The following PPME1 variants were observed in gnomAD, a reference collection of about 807,000 sequenced individuals.
PPME1 encodes testicular secretory protein Li 39.
PPME1 carries 17 observed loss-of-function variants against 56.9 expected under a neutral mutation model. The ratio of observed to expected loss-of-function variants is 0.30; its 90% confidence interval spans 0.20 to 0.45. The LOEUF (loss-of-function observed/expected upper bound fraction) is 0.45. Ranked by LOEUF, PPME1 falls within the 20% of genes least tolerant of loss-of-function variation. PPME1 has a pLI of 1.00. For synonymous variants in PPME1, 122 were observed against 156.2 expected (o/e 0.78, Z 1.63); for missense variants, 357 against 483.2 (o/e 0.74, Z 2.45).
chr11:74,205,989 T>C (rs1158248959), intron 3 of PPME1: 1 of 152,230 alleles, frequency 6.6e-6, no homozygotes, highest in African/African-American at 2.4e-5. Flanking sequence ...AGTAATTATA[T>C]TGATTACCTA....
At position 74,203,778 on chromosome 11, in the gene PPME1, A is replaced by G. The variant is rs1160767433; in HGVS notation, c.152A>G (p.Glu51Gly). The G allele has an allele frequency of 1.9e-6, 3 of 1,612,372 alleles. No individual in the cohort carries two copies. The highest frequency in any genetic ancestry group is 2.5e-6 in the Non-Finnish European group (3 of 1,179,152). ...FSPVPWSQYF[E>G]SMEDVEVENE... Reference sequence around the variant, plus strand: ...CCTGTTCCTTGGAGTCAGTATTTTGAGTCCATGGAAGATGTAGAAGTAGAG... The same window carrying G: ...CCTGTTCCTTGGAGTCAGTATTTTGGGTCCATGGAAGATGTAGAAGTAGAG... The change falls in exon 2 of 14, where the codon GAG (glutamate) becomes GGG (glycine). Residue 51 changes from glutamate to glycine, a missense_variant. Transcript: ENST00000328257.
intron 3 of PPME1, among the ~76,000 whole-genome samples, chr11:74,208,544 A>G (rs1166255556): frequency 1.3e-5 from 2 of 152,214 alleles, no homozygotes; most frequent in Non-Finnish European, 2.9e-5. Flanking sequence ...AGAAATTTTT[A>G]TCTCAGACTA....
chr11:74,188,461 AG>A (rs1250875509), intron 1 of PPME1, among the ~76,000 whole-genome samples: 1 of 152,148 alleles, frequency 6.6e-6, no homozygotes, highest in Admixed American at 6.5e-5. Context: ...CTGGGATTAC[AG>A]GGGTGAGCCA....
At chr11:74,172,280 G>T (rs917397094) in intron 1 of PPME1, among the ~76,000 whole-genome samples, 1 of 151,756 alleles carries the variant, frequency 6.6e-6, no homozygotes, top group African/African-American at 2.4e-5. Context: ...TACAGAGTGA[G>T]AAGCTGGACA....
chr11:74,227,762 T>G (rs1858967912), intron 5 of PPME1, among the ~76,000 whole-genome samples: 1 of 152,142 alleles, frequency 6.6e-6, no homozygotes, highest in South Asian at 2.1e-4. Context: ...AGGACTTATC[T>G]CAAGTAAGGT....
chr11:74,252,598 A>G (rs1424241934), intron 13 of PPME1: 1 of 451,924 alleles, frequency 2.2e-6, no homozygotes, highest in Non-Finnish European at 4.4e-6. Flanking sequence ...TTTGAGGTGG[A>G]TAATTCTTCA....
intron 9 of PPME1, among the ~76,000 whole-genome samples, chr11:74,242,559 A>T (rs1859388738): frequency 1.3e-5 from 2 of 152,104 alleles, no homozygotes; most frequent in East Asian, 3.9e-4. Context: ...ATTCTTTCAG[A>T]TCTTGTGTTG....
intron 9 of PPME1, among the ~76,000 whole-genome samples, chr11:74,241,681 T>C (rs1297111188): frequency 1.3e-5 from 2 of 152,238 alleles, no homozygotes; most frequent in Non-Finnish European, 2.9e-5. Context: ...ATTATAGCCA[T>C]CCTAGTGTGT....
chr11:74,253,468 C>T (rs376614776), intron 13 of PPME1, 24 bp from the exon 14 acceptor site: 100 of 1,600,380 alleles, frequency 6.2e-5, no homozygotes, highest in Non-Finnish European at 8.4e-5. Context: ...ATTTGTTTTT[C>T]CTTCTCTTTC....
Position 74,171,372 on chromosome 11 carries a change from G to A in PPME1, c.-50G>A. On this transcript the variant is annotated 5_prime_UTR_variant, in exon 1 of 14. Coordinates refer to ENST00000328257, the MANE Select transcript of PPME1 (RefSeq NM_016147.3). ...TGACCGGTTGGGCCACACTCAACGT[G>A]GGACGAAGCTTCGCCTACTGTTTGA... is the stretch of plus-strand genomic sequence containing the variant. 1.3e-6 allele frequency: 2 copies of A among 1,565,304 alleles called. No individual in the cohort carries two copies. The highest frequency in any genetic ancestry group is 1.2e-5 in the South Asian group (1 of 85,184).
intron 1 of PPME1, among the ~76,000 whole-genome samples, chr11:74,199,014 A>G (rs541802998): frequency 6.6e-6 from 1 of 152,364 alleles, no homozygotes; most frequent in South Asian, 2.1e-4. Flanking sequence ...GCTTTTCAAA[A>G]ATACTGTACT....
chr11:74,188,698 C>T (rs1857756786), intron 1 of PPME1, among the ~76,000 whole-genome samples: 1 of 152,158 alleles, frequency 6.6e-6, no homozygotes, highest in African/African-American at 2.4e-5. Flanking sequence ...AAATAACAAA[C>T]TGTGCTACCA....
At chr11:74,226,384 G>C (rs1044381813) in intron 5 of PPME1, among the ~76,000 whole-genome samples, 1 of 152,158 alleles carries the variant, frequency 6.6e-6, no homozygotes, top group African/African-American at 2.4e-5. Flanking sequence ...CCTTGGCAGA[G>C]AGAGAGAGAA....
At chr11:74,245,665 G>C (rs761478313) in intron 9 of PPME1, among the ~76,000 whole-genome samples, 2 of 151,992 alleles carry the variant, frequency 1.3e-5, no homozygotes, top group Non-Finnish European at 2.9e-5. Flanking sequence ...TCCTAACTTA[G>C]ATGACATGTT....
At chr11:74,175,748 A>G (rs1252451217) in intron 1 of PPME1, among the ~76,000 whole-genome samples, 1 of 152,196 alleles carries the variant, frequency 6.6e-6, no homozygotes, top group African/African-American at 2.4e-5. Context: ...TGACATGTAT[A>G]TAGTAGTCCC....
intron 1 of PPME1, among the ~76,000 whole-genome samples, chr11:74,182,459 A>G (rs1405099403): frequency 6.6e-6 from 1 of 151,906 alleles, no homozygotes; most frequent in Non-Finnish European, 1.5e-5. Context: ...TCACAGGTCC[A>G]AGCAACCCTT....
intron 9 of PPME1, among the ~76,000 whole-genome samples, chr11:74,242,833 T>G (rs1342703854): frequency 2.8e-5 from 4 of 144,832 alleles, no homozygotes; most frequent in Non-Finnish European, 3.0e-5. Flanking sequence ...GAGCCGAGAT[T>G]GTGCCACTGC....
At chr11:74,231,077 A>C (rs1859053819) in intron 7 of PPME1, 75 bp downstream of exon 7, 1 of 1,264,242 alleles carries the variant, frequency 7.9e-7, no homozygotes, top group African/African-American at 1.5e-5. Flanking sequence ...TTTATTTAGG[A>C]GACAAGGCCT....
Position 74,171,410 on chromosome 11 carries a change from A to C in PPME1, c.-12A>C. 1 of 1,607,176 alleles carries C rather than the reference A, an allele frequency of 6.2e-7. No homozygotes were observed. Among genetic ancestry groups the C allele is most frequent in the Non-Finnish European group, 8.5e-7 (1 of 1,177,000 alleles). Reference sequence around the variant, plus strand: ...GCCTACTGTTTGACTACGTGCGTGCAGCCTCCCCTCGATGTCGGCCCTCGA... The same window carrying C: ...GCCTACTGTTTGACTACGTGCGTGCCGCCTCCCCTCGATGTCGGCCCTCGA... On this transcript the variant is annotated 5_prime_UTR_variant, in exon 1 of 14. Transcript: ENST00000328257.
Sources: gnomAD v4.1 joint callset for allele counts (sites outside exome capture counted in the v4.1 genomes callset) on GRCh38, gnomAD v4.1.1 for gene constraint, MANE v1.5 for transcripts, NCBI Gene and HGNC (gene_info 2026-07-23, HGNC 2026-07-21) for gene names.